MTMR14: variants seen among roughly 807,000 people sequenced by gnomAD.
The protein encoded by MTMR14 is myotubularin related protein 14.
A neutral mutation model predicts 86.3 loss-of-function variants in MTMR14; 48 were observed. That is an observed-to-expected ratio of 0.56 (90% CI 0.44 to 0.71). The LOEUF (loss-of-function observed/expected upper bound fraction) is 0.71. Ranked by LOEUF, MTMR14 falls within the 30% of genes least tolerant of loss-of-function variation. MTMR14 has a pLI of 0.00. For synonymous variants in MTMR14, 366 were observed against 326.1 expected, an observed-to-expected ratio of 1.12 and a Z score of -1.32; for missense variants, 780 against 834.6, an observed-to-expected ratio of 0.93 and a Z score of 0.81.
intron 17 of MTMR14, among the ~76,000 whole-genome samples, chr3:9,697,055 G>T (rs1385331861): frequency 1.3e-5 from 2 of 152,198 alleles, no homozygotes; most frequent in Admixed American, 6.5e-5. Flanking sequence ...GCCTGAGGAA[G>T]CTGTCAGGCT....
rs1358184723 is a variant in MTMR14 at position 9,653,783 on chromosome 3, G to A, written c.308+14G>A. 3.7e-6 allele frequency: 6 copies of A among 1,614,098 alleles called. No homozygotes were observed. The South Asian group carries it at 4.4e-5, about 12-fold the overall frequency. ...GGAGAAAGACACGTGAGCATCATGT[G>A]ACCGTAGTGTACATGTCTGGGGAGT... On this transcript the variant is annotated intron_variant, in intron 2 of 18. Transcript: ENST00000296003.
rs953643313 is a variant in MTMR14, at chr3:9,677,958, T to C, written c.823-26T>C. ...AGCCTCCTCTGGTGGCCAACCCACA[T>C]CTCACAGGAGTCTTTCTGTCCCCAG... On this transcript the variant is annotated intron_variant, in intron 8 of 18. Transcript: ENST00000296003. The surrounding 1 kb of genome is among the most constrained non-coding windows in gnomAD (Gnocchi z 4.2). 6.2e-7 allele frequency: 1 copy of C among 1,612,374 alleles called. No homozygotes were observed. The highest frequency in any genetic ancestry group is 8.5e-7 in the Non-Finnish European group (1 of 1,178,854).
chr3:9,668,984 C>T (rs1178158779), intron 4 of MTMR14, among the ~76,000 whole-genome samples, 190 bp downstream of exon 4: 1 of 151,250 alleles, frequency 6.6e-6, no homozygotes. Flanking sequence ...CTAAAAAATA[C>T]CAAAAATTTG....
In MTMR14 at chr3:9,677,989, C is replaced by T. The variant is rs2075637447; in HGVS notation, c.828C>T (p.Tyr276=). 1.1e-5 allele frequency: 18 copies of T among 1,613,994 alleles called. No individual in the cohort carries two copies. The highest frequency in any genetic ancestry group is 2.7e-5 in the African/African-American group (2 of 75,026). The part of the protein sequence containing the change: ...EGLIFNWKQD[Y]VDAPLSIPDF... ...AGGAGTCTTTCTGTCCCCAGGACTA[C>T]GTTGATGCCCCATTGAGCATCCCCG... The change falls in exon 9 of 19, where the codon TAC becomes TAT. Residue 276 remains tyrosine (Y), a synonymous_variant. Coordinates refer to ENST00000296003, the MANE Select transcript of MTMR14 (RefSeq NM_001077525.3). The surrounding 1 kb of genome is among the most constrained non-coding windows in gnomAD (Gnocchi z 4.2).
Position 9,677,258 on chromosome 3 carries a change from T to C in MTMR14, c.752-59T>C. On this transcript the variant is annotated intron_variant, in intron 7 of 18. Coordinates refer to ENST00000296003, the MANE Select transcript of MTMR14 (RefSeq NM_001077525.3). This position sits in a 1 kb window ranked among gnomAD's most constrained non-coding sequence, Gnocchi z 4.2. Reference sequence around the variant, plus strand: ...TCAGGGACCTGGGTCTGGCCAGGGCTGTCTCAGAAGACTTTGGGCTGGGAA... The same window carrying C: ...TCAGGGACCTGGGTCTGGCCAGGGCCGTCTCAGAAGACTTTGGGCTGGGAA... The C allele has an allele frequency of 6.6e-7, 1 of 1,516,914 alleles. No individual in the cohort carries two copies. The highest frequency in any genetic ancestry group is 9.2e-7 in the Non-Finnish European group (1 of 1,092,140). 94.0% of individuals were successfully genotyped at this position (1,516,914 alleles called of 1,614,324 possible). A position where few individuals can be genotyped will look rare whatever the true frequency, so the allele number is the denominator to read the frequency against.
chr3:9,674,844 G>A (rs1193795523), intron 7 of MTMR14, among the ~76,000 whole-genome samples: 2 of 152,216 alleles, frequency 1.3e-5, no homozygotes, highest in African/African-American at 4.8e-5. Flanking sequence ...GAGTGCAGTG[G>A]CTCACGCATA....
intron 2 of MTMR14, among the ~76,000 whole-genome samples, chr3:9,656,377 G>A (rs2047608666): frequency 6.6e-6 from 1 of 151,980 alleles, no homozygotes; most frequent in South Asian, 2.1e-4. Context: ...GTTATTTATG[G>A]TTCTTAGCTC....
At chr3:9,674,758 A>G (rs2048761574) in intron 7 of MTMR14, among the ~76,000 whole-genome samples, 1 of 152,232 alleles carries the variant, frequency 6.6e-6, no homozygotes, top group Non-Finnish European at 1.5e-5. Flanking sequence ...AAGGCTTAAA[A>G]GGAAGTGTGC....
intron 11 of MTMR14, 75 bp downstream of exon 11, chr3:9,684,745 A>G: frequency 1.3e-6 from 2 of 1,567,584 alleles, no homozygotes; most frequent in Non-Finnish European, 1.8e-6. Context: ...AGGGTGGAGC[A>G]GGGGATGCCA....
chr3:9,677,984 G>A lies in MTMR14; in HGVS notation c.823G>A (p.Asp275Asn), dbSNP rs1470373607. ...AEGLIFNWKQ[D>N]YVDAPLSIPD... ...CTCACAGGAGTCTTTCTGTCCCCAG[G>A]ACTACGTTGATGCCCCATTGAGCAT... Residue 275 changes from aspartate to asparagine, a missense_variant and splice_region_variant, in exon 9 of 19, where the codon GAC becomes AAC. Coordinates refer to ENST00000296003, the MANE Select transcript of MTMR14 (RefSeq NM_001077525.3). The surrounding 1 kb of genome is among the most constrained non-coding windows in gnomAD (Gnocchi z 4.2). 2 of 1,613,984 alleles carry A rather than the reference G, an allele frequency of 1.2e-6. No individual in the cohort carries two copies. Among genetic ancestry groups the A allele is most frequent in the African/African-American group, 1.3e-5 (1 of 75,022 alleles).
At chr3:9,655,461 C>CTTT (rs779901219) in intron 2 of MTMR14, among the ~76,000 whole-genome samples, 1 of 59,338 alleles carries the variant, frequency 1.7e-5, no homozygotes. Context: ...CCCTTGATGT[C>CTTT]TTTTTTTTTT....
At chr3:9,665,680 G>A (rs950253917) in intron 3 of MTMR14, among the ~76,000 whole-genome samples, 8 of 151,906 alleles carry the variant, frequency 5.3e-5, no homozygotes, top group African/African-American at 1.9e-4. Flanking sequence ...AGTTCAGCAT[G>A]GTTGGTGCAA....
chr3:9,680,836 C>G (rs1451144935), intron 9 of MTMR14, among the ~76,000 whole-genome samples: 1 of 148,824 alleles, frequency 6.7e-6, no homozygotes, highest in Non-Finnish European at 1.5e-5. Context: ...GACTCCGTCT[C>G]AAAAAAACAA....
At chr3:9,695,825 G>A (rs79851238) in intron 17 of MTMR14, among the ~76,000 whole-genome samples, 4,876 of 152,282 alleles carry the variant, frequency 0.032, 102 homozygotes, top group African/African-American at 0.06. Context: ...GACGAGATTT[G>A]TGGAGCTAGG....
chr3:9,671,570 C>T (rs1318264111), intron 6 of MTMR14, among the ~76,000 whole-genome samples: 3 of 151,282 alleles, frequency 2.0e-5, no homozygotes, highest in African/African-American at 7.4e-5. Flanking sequence ...AAAGTGGTCT[C>T]AAACATGTGG....
intron 3 of MTMR14, 44 bp downstream of exon 3, chr3:9,662,419 G>C (rs2047994990): frequency 6.5e-7 from 1 of 1,540,986 alleles, no homozygotes; most frequent in Admixed American, 1.7e-5. Flanking sequence ...CTCTCTTCTG[G>C]GGTAGCTGAC....
chr3:9,656,773 T>G (rs1269785333), intron 2 of MTMR14, among the ~76,000 whole-genome samples: 1 of 152,040 alleles, frequency 6.6e-6, no homozygotes, highest in African/African-American at 2.4e-5. Flanking sequence ...AAGAGGGTTT[T>G]GTTTTGTTTT....
At chr3:9,675,956 T>G (rs1210844185) in intron 7 of MTMR14, among the ~76,000 whole-genome samples, 2 of 152,192 alleles carry the variant, frequency 1.3e-5, no homozygotes, top group African/African-American at 4.8e-5. Context: ...TGAAGATTGT[T>G]TCCAGACTTC....
At chr3:9,680,446 T>C (rs911317396) in intron 9 of MTMR14, among the ~76,000 whole-genome samples, 1 of 152,216 alleles carries the variant, frequency 6.6e-6, no homozygotes, top group African/African-American at 2.4e-5. Context: ...CCTTAAAACC[T>C]ACCACTGACT....
Sources: allele counts gnomAD v4.1 joint callset (sites outside exome capture counted in the v4.1 genomes callset), GRCh38; gene constraint gnomAD v4.1.1; non-coding constraint Gnocchi (gnomAD v3.1); transcripts MANE v1.5; gene names NCBI Gene and HGNC (gene_info 2026-07-23, HGNC 2026-07-21).